The following CRPPA variants were observed in gnomAD, a reference collection of about 807,000 sequenced individuals.
CRPPA encodes D-ribitol-5-phosphate cytidylyltransferase.
CRPPA carries 43 observed loss-of-function variants against 52.0 expected under a neutral mutation model. The ratio of observed to expected loss-of-function variants is 0.83; its 90% confidence interval spans 0.65 to 1.07. The LOEUF (loss-of-function observed/expected upper bound fraction) is 1.07. Ranked by LOEUF, CRPPA falls within the 50% of genes least tolerant of loss-of-function variation. The pLI is 0.00. For missense variants in CRPPA, 629 were observed against 551.7 expected (o/e 1.14, Z -1.40); for synonymous variants, 250 against 203.5 (o/e 1.23, Z -1.94).
At chr7:16,399,281 TAC>T (rs1787722491) in intron 2 of CRPPA, among the ~76,000 whole-genome samples, 1 of 151,882 alleles carries the variant, frequency 6.6e-6, no homozygotes, top group South Asian at 2.1e-4. Context: ...ACGATACACA[TAC>T]GATTGACGTG....
At chr7:16,262,508 A>G (rs1304449163) in intron 6 of CRPPA, among the ~76,000 whole-genome samples, 1 of 152,194 alleles carries the variant, frequency 6.6e-6, no homozygotes, top group Non-Finnish European at 1.5e-5. Flanking sequence ...ACAAAAAGGT[A>G]TAATTTGGGA....
At chr7:16,290,528 G>A (rs1262927579) in intron 5 of CRPPA, among the ~76,000 whole-genome samples, 1 of 151,968 alleles carries the variant, frequency 6.6e-6, no homozygotes, top group African/African-American at 2.4e-5. Context: ...TTCAACAAAG[G>A]TGCCAGGAAT....
At chr7:16,100,484 A>C (rs924595156) in intron 9 of CRPPA, among the ~76,000 whole-genome samples, 2 of 152,222 alleles carry the variant, frequency 1.3e-5, no homozygotes, top group African/African-American at 4.8e-5. Flanking sequence ...TAATTGGCTA[A>C]TTAACTCTAT....
intron 3 of CRPPA, among the ~76,000 whole-genome samples, chr7:16,333,206 G>A (rs751007015): frequency 1.3e-5 from 2 of 152,098 alleles, no homozygotes; most frequent in Admixed American, 6.6e-5. Context: ...CATACTCAAT[G>A]CAAATACACA....
chr7:16,362,138 G>A lies in CRPPA; in HGVS notation c.684+13954C>T, dbSNP rs149701197. Among the ~76,000 whole-genome samples, 741 of 152,352 alleles carry A rather than the reference G, an allele frequency of 4.9e-3. 6 individuals carry two copies. Among genetic ancestry groups the A allele is most frequent in the African/African-American group, 0.016 (679 of 41,584 alleles). ...CAAAGTGCTGGGATTACAGGCGTGA[G>A]CCACCGCGCTCGGCCTACAAAATAA... On this transcript the variant is annotated intron_variant, in intron 3 of 9. Transcript: ENST00000407010.
At chr7:16,281,157 T>G (rs1407752669) in intron 5 of CRPPA, among the ~76,000 whole-genome samples, 1 of 152,200 alleles carries the variant, frequency 6.6e-6, no homozygotes, top group Non-Finnish European at 1.5e-5. Context: ...CTGTTGAGTT[T>G]GGTATAGAAA....
intron 3 of CRPPA, among the ~76,000 whole-genome samples, chr7:16,344,357 A>G: frequency 6.7e-6 from 1 of 148,448 alleles, no homozygotes; most frequent in Non-Finnish European, 1.5e-5. Flanking sequence ...ACTTGAGGAC[A>G]GGAGTTACAG....
intron 3 of CRPPA, among the ~76,000 whole-genome samples, chr7:16,320,325 T>C (rs1170752995): frequency 6.6e-6 from 1 of 152,186 alleles, no homozygotes; most frequent in Non-Finnish European, 1.5e-5. Flanking sequence ...ATGGCAGGGT[T>C]ATTAACATGA....
Position 16,362,797 on chromosome 7 carries a change from C to T in CRPPA, c.684+13295G>A, listed in dbSNP as rs539589404. On this transcript the variant is annotated intron_variant, in intron 3 of 9. Transcript: ENST00000407010. ...TAAGAAAGATTTAAAGAATGATCTG[C>T]GCATTTAACTCGAGATATATTTATT... 2.1e-4 allele frequency among the ~76,000 whole-genome samples: 32 copies of T among 152,178 alleles called. 1 individual carries two copies. Among genetic ancestry groups the T allele is most frequent in the African/African-American group, 3.4e-4 (14 of 41,524 alleles).
intron 9 of CRPPA, among the ~76,000 whole-genome samples, chr7:16,161,740 G>C (rs1185979484): frequency 6.6e-6 from 1 of 152,116 alleles, no homozygotes; most frequent in Non-Finnish European, 1.5e-5. Flanking sequence ...CTATTGTTTG[G>C]AATGGTTTCA....
chr7:16,358,822 C>T (rs1444851711), intron 3 of CRPPA, among the ~76,000 whole-genome samples: 1 of 152,170 alleles, frequency 6.6e-6, no homozygotes, highest in Non-Finnish European at 1.5e-5. Context: ...CAAAATGACT[C>T]TTCTAAATTG....
chr7:16,242,169 T>G (rs964472999), intron 8 of CRPPA, among the ~76,000 whole-genome samples: 1 of 151,972 alleles, frequency 6.6e-6, no homozygotes, highest in Non-Finnish European at 1.5e-5. Context: ...TTAGCCAAGA[T>G]GGTCTCAATC....
chr7:16,151,288 C>T (rs1006706238), intron 9 of CRPPA, among the ~76,000 whole-genome samples: 1 of 152,068 alleles, frequency 6.6e-6, no homozygotes, highest in Non-Finnish European at 1.5e-5. Context: ...GAGCTTCAAA[C>T]TAGAAACCAT....
intron 9 of CRPPA, among the ~76,000 whole-genome samples, chr7:16,109,827 G>A (rs1397342166): frequency 2.6e-5 from 4 of 151,842 alleles, no homozygotes; most frequent in African/African-American, 9.7e-5. Flanking sequence ...GCCATATATG[G>A]GAAACATTAT....
chr7:16,206,688 A>G (rs571363077), intron 9 of CRPPA, among the ~76,000 whole-genome samples: 5 of 152,254 alleles, frequency 3.3e-5, no homozygotes, highest in African/African-American at 7.2e-5. Context: ...TCCTCCTTAC[A>G]AAGTGTTTTA....
chr7:16,394,818 TA>T (rs1489019727), intron 2 of CRPPA, among the ~76,000 whole-genome samples: 2 of 152,120 alleles, frequency 1.3e-5, no homozygotes, highest in African/African-American at 4.8e-5. Context: ...CATCTTAAAC[TA>T]AAGGCCCATG....
At chr7:16,120,206 A>C (rs1782454821) in intron 9 of CRPPA, among the ~76,000 whole-genome samples, 1 of 152,162 alleles carries the variant, frequency 6.6e-6, no homozygotes, top group South Asian at 2.1e-4. Context: ...TCAGGTGTTG[A>C]CCTTGGTCAG....
chr7:16,176,864 T>C (rs1257709256), intron 9 of CRPPA, among the ~76,000 whole-genome samples: 3 of 152,136 alleles, frequency 2.0e-5, no homozygotes, highest in Non-Finnish European at 4.4e-5. Context: ...GGAACATGAA[T>C]GCTGCTACAA....
intron 2 of CRPPA, among the ~76,000 whole-genome samples, chr7:16,387,569 T>G (rs1787320569): frequency 6.6e-6 from 1 of 152,136 alleles, no homozygotes; most frequent in Non-Finnish European, 1.5e-5. Flanking sequence ...CTAAATTTTT[T>G]TTTAAATCTA....
Sources: allele counts gnomAD v4.1 joint callset (sites outside exome capture counted in the v4.1 genomes callset), GRCh38; gene constraint gnomAD v4.1.1; transcripts MANE v1.5; gene names NCBI Gene and HGNC (gene_info 2026-07-23, HGNC 2026-07-21).